The following UBLCP1 variants were observed in gnomAD, a reference collection of about 807,000 sequenced individuals.
The protein encoded by UBLCP1 is ubiquitin-like domain-containing CTD phosphatase 1.
In UBLCP1, 28 loss-of-function variants were observed where a neutral mutation model predicts 42.4. The observed-to-expected ratio is 0.66, with a 90% CI of 0.49 to 0.90. UBLCP1 has a LOEUF of 0.90. Among genes scored for constraint, UBLCP1 ranks in the 40% least tolerant of loss-of-function variants. The pLI, the probability that UBLCP1 is intolerant of heterozygous loss-of-function variation, is 0.00. For synonymous variants in UBLCP1, 122 were observed against 120.8 expected (o/e 1.01, Z -0.07); for missense variants, 279 against 374.5 (o/e 0.75, Z 2.10).
intron 9 of UBLCP1, among the ~76,000 whole-genome samples, chr5:159,282,107 GTTA>G (rs972967925): frequency 1.6e-4 from 25 of 152,104 alleles, no homozygotes; most frequent in African/African-American, 5.8e-4. Context: ...TTCATGGATG[GTTA>G]TTGTTTGCTC....
intron 1 of UBLCP1, among the ~76,000 whole-genome samples, chr5:159,263,993 A>G (rs1753341168): frequency 6.6e-6 from 1 of 152,204 alleles, no homozygotes. Context: ...GTGAAGCTTC[A>G]ATGAGATAAT....
chr5:159,277,039 G>C (rs2113318632), intron 8 of UBLCP1, among the ~76,000 whole-genome samples: 1 of 152,140 alleles, frequency 6.6e-6, no homozygotes, highest in East Asian at 1.9e-4. Flanking sequence ...CTTTTTAAGA[G>C]GATGTAGGAT....
intron 6 of UBLCP1, among the ~76,000 whole-genome samples, chr5:159,272,435 A>G (rs962535350): frequency 2.6e-5 from 4 of 151,200 alleles, no homozygotes; most frequent in Admixed American, 2.0e-4. Flanking sequence ...AACTAGGCAC[A>G]TATCTTTAGG....
chr5:159,275,079 A>G (rs1753516666), intron 7 of UBLCP1, 69 bp from the exon 8 acceptor site: 2 of 1,364,322 alleles, frequency 1.5e-6, no homozygotes, highest in Admixed American at 1.7e-5. Context: ...AATTGCAGCT[A>G]GAATATTCAG....
At chr5:159,270,150 T>G in intron 3 of UBLCP1, 151 bp downstream of exon 3, 1 of 759,986 alleles carries the variant, frequency 1.3e-6, no homozygotes, top group Non-Finnish European at 2.1e-6. Context: ...ATTAACTGTA[T>G]AAGTATAGTA....
intron 1 of UBLCP1, among the ~76,000 whole-genome samples, chr5:159,264,854 G>A (rs2113307450): frequency 6.6e-6 from 1 of 152,332 alleles, no homozygotes; most frequent in South Asian, 2.1e-4. Flanking sequence ...GGGTCACCTG[G>A]AACTCAGATG....
intron 6 of UBLCP1, among the ~76,000 whole-genome samples, chr5:159,273,347 A>G (rs1260059410): frequency 6.6e-6 from 1 of 152,152 alleles, no homozygotes. Flanking sequence ...ATTTTTATAA[A>G]CTGTGATATT....
chr5:159,267,015 C>T (rs1386272532), intron 1 of UBLCP1, among the ~76,000 whole-genome samples: 1 of 152,168 alleles, frequency 6.6e-6, no homozygotes, highest in Non-Finnish European at 1.5e-5. Flanking sequence ...GTCAGAGCCC[C>T]CATACAGAGT....
intron 3 of UBLCP1, 58 bp downstream of exon 3, chr5:159,270,057 C>T: frequency 2.9e-6 from 4 of 1,375,414 alleles, no homozygotes; most frequent in African/African-American, 1.5e-5. Context: ...ATTTATACTA[C>T]ACTGTTGTAT....
chr5:159,270,945 A>C lies in UBLCP1; in HGVS notation c.448+302A>C, dbSNP rs188692738. Among the ~76,000 whole-genome samples the C allele has an allele frequency of 4.1e-5, 6 of 145,410 alleles. No individual in the cohort carries two copies. In the Admixed American group the frequency reaches 4.2e-4, roughly 10 times the overall value. On this transcript the variant is annotated intron_variant, in intron 5 of 10. Transcript: ENST00000296786. Reference sequence around the variant, plus strand: ...ACATTGAACATCTTCTCAGTAAAATATTGTTTATTATGAATGATATATATA... The same window carrying C: ...ACATTGAACATCTTCTCAGTAAAATCTTGTTTATTATGAATGATATATATA...
chr5:159,282,243 CTT>C (rs1293597097), intron 9 of UBLCP1, among the ~76,000 whole-genome samples: 3 of 152,076 alleles, frequency 2.0e-5, no homozygotes, highest in Middle Eastern at 3.4e-3. Flanking sequence ...GAGCAGGTGT[CTT>C]TTACAAAACA....
intron 6 of UBLCP1, 22 bp from the exon 7 acceptor site, chr5:159,274,563 A>G: frequency 1.9e-6 from 3 of 1,606,332 alleles, no homozygotes; most frequent in Non-Finnish European, 2.6e-6. Flanking sequence ...TATGTATTGT[A>G]TTATCATTCC....
At chr5:159,277,285 G>A (rs2113318877) in intron 8 of UBLCP1, among the ~76,000 whole-genome samples, 1 of 151,760 alleles carries the variant, frequency 6.6e-6, no homozygotes, top group African/African-American at 2.4e-5. Flanking sequence ...TTTTGTAATA[G>A]GCAAGACAAT....
At chr5:159,273,276 T>TA (rs2113315137) in intron 6 of UBLCP1, among the ~76,000 whole-genome samples, 1 of 152,340 alleles carries the variant, frequency 6.6e-6, no homozygotes, top group African/African-American at 2.4e-5. Context: ...GTTTATCCTT[T>TA]AAATGTTATT....
chr5:159,265,193 CTCTT>C (rs1753369975), intron 1 of UBLCP1, among the ~76,000 whole-genome samples: 1 of 152,152 alleles, frequency 6.6e-6, no homozygotes, highest in East Asian at 1.9e-4. Context: ...TTATGGCTCT[CTCTT>C]CTAATTGGCC....
At chr5:159,263,534 C>T (rs1753330283) in intron 1 of UBLCP1, among the ~76,000 whole-genome samples, 174 bp downstream of exon 1, 1 of 152,244 alleles carries the variant, frequency 6.6e-6, no homozygotes, top group South Asian at 2.1e-4. Context: ...GCGGGGGCCG[C>T]TGTCCTCCCA....
chr5:159,274,595 T>C lies in UBLCP1; in HGVS notation c.558T>C (p.Asn186=). ...TTCCTCGTGTTTTAGCTGCAACAAATATGAAGTGGATTGAAGCTAAAATGA... is the reference window on the plus strand; with the variant it reads ...TTCCTCGTGTTTTAGCTGCAACAAACATGAAGTGGATTGAAGCTAAAATGA... The part of the protein sequence containing the change: ...DYDIVIWSAT[N]MKWIEAKMKE... Residue 186 remains asparagine, a synonymous_variant, in exon 7 of 11, where the codon AAT becomes AAC. Coordinates refer to ENST00000296786, the MANE Select transcript of UBLCP1 (RefSeq NM_145049.5). 6.2e-7 allele frequency: 1 copy of C among 1,611,536 alleles called. No individual in the cohort carries two copies. The highest frequency in any genetic ancestry group is 1.1e-5 in the South Asian group (1 of 90,654).
Position 159,270,636 on chromosome 5 carries a change from A to G in UBLCP1, c.441A>G (p.Thr147=), listed in dbSNP as rs1366459054. 6.3e-7 allele frequency: 1 copy of G among 1,579,876 alleles called. No homozygotes were observed. Among genetic ancestry groups the G allele is most frequent in the Non-Finnish European group, 8.6e-7 (1 of 1,164,954 alleles). The part of the protein sequence containing the change: ...KKLLVLDVDY[T]LFDHRSCAET... The stretch of plus-strand genomic sequence containing the variant: ...TTTTGGTGCTAGATGTTGATTATAC[A>G]TTATTTGGTAAGTCAGTTAAGAATG... The change falls in exon 5 of 11, where the codon ACA becomes ACG. Residue 147 remains threonine (T), a synonymous_variant. Transcript: ENST00000296786.
chr5:159,267,364 T>C (rs1384495452), intron 1 of UBLCP1, among the ~76,000 whole-genome samples: 1 of 152,156 alleles, frequency 6.6e-6, no homozygotes, highest in African/African-American at 2.4e-5. Context: ...ATTTCTCCCA[T>C]TTGGAATGGC....
Sources: allele counts gnomAD v4.1 joint callset (sites outside exome capture counted in the v4.1 genomes callset), GRCh38; gene constraint gnomAD v4.1.1; transcripts MANE v1.5; gene names NCBI Gene and HGNC (gene_info 2026-07-23, HGNC 2026-07-21).